Variants in LATS2 observed in about 807,000 individuals in gnomAD.
LATS2 encodes serine/threonine-protein kinase LATS2.
A neutral mutation model predicts 76.0 loss-of-function variants in LATS2; 24 were observed. The ratio of observed to expected loss-of-function variants is 0.32; its 90% CI spans 0.23 to 0.44. LATS2 has a LOEUF of 0.44. Among genes scored for constraint, LATS2 ranks in the 20% least tolerant of loss-of-function variants. The pLI is 1.00. For synonymous variants in LATS2, 692 were observed against 635.4 expected (o/e 1.09, Z -1.34); for missense variants, 1,286 against 1,481.2 (o/e 0.87, Z 2.16).
intron 1 of LATS2, among the ~76,000 whole-genome samples, chr13:21,057,535 G>A (rs1235437686): frequency 3.3e-5 from 5 of 152,196 alleles, no homozygotes; most frequent in Non-Finnish European, 7.3e-5. Flanking sequence ...TCACGTAACA[G>A]GCCGGGCGCG....
chr13:21,042,987 AAAAAAACC>A (rs1316735937), intron 2 of LATS2, among the ~76,000 whole-genome samples: 183 of 122,984 alleles, frequency 1.5e-3, no homozygotes, highest in Middle Eastern at 4.2e-3. Context: ...CCGTCTCAAA[AAAAAAACC>A]AAAAAACAAA....
chr13:21,003,302 G>A (rs748060450), intron 2 of LATS2, among the ~76,000 whole-genome samples: 2 of 152,012 alleles, frequency 1.3e-5, no homozygotes, highest in Non-Finnish European at 2.9e-5. Context: ...AGTTCGGGCT[G>A]GAGTGCAGTG....
At chr13:21,012,959 G>A (rs1245323811) in intron 2 of LATS2, among the ~76,000 whole-genome samples, 2 of 152,184 alleles carry the variant, frequency 1.3e-5, no homozygotes, top group African/African-American at 2.4e-5. Flanking sequence ...CTATTGCAAA[G>A]CAATTAGTTA....
intron 3 of LATS2, among the ~76,000 whole-genome samples, chr13:20,990,460 G>GTTTTTTTT (rs1595218277): frequency 2.7e-5 from 2 of 74,546 alleles, no homozygotes; most frequent in Non-Finnish European, 5.7e-5. Flanking sequence ...TAATTACTAG[G>GTTTTTTTT]ATTTTTTTTT....
chr13:21,004,105 C>A (rs551015635), intron 2 of LATS2, among the ~76,000 whole-genome samples: 1 of 152,236 alleles, frequency 6.6e-6, no homozygotes, highest in South Asian at 2.1e-4. Context: ...ATATAACATA[C>A]AAAAGAATAT....
chr13:20,983,812 T>C lies in LATS2; in HGVS notation c.1900-6A>G, dbSNP rs183625707. On this transcript the variant is annotated splice_polypyrimidine_tract_variant and splice_region_variant and intron_variant, in intron 4 of 7. Coordinates refer to ENST00000382592, the MANE Select transcript of LATS2 (RefSeq NM_014572.3). ...TCAGCTTCACAGAGTCCAGCCTGTGTAGAAGGAAAAGGAAGGAGGAAGAAT... is the reference window on the plus strand; with the variant it reads ...TCAGCTTCACAGAGTCCAGCCTGTGCAGAAGGAAAAGGAAGGAGGAAGAAT... 10 of 1,600,624 alleles carry C rather than the reference T, an allele frequency of 6.2e-6. No individual in the cohort carries two copies. The highest frequency in any genetic ancestry group is 8.5e-7 in the Non-Finnish European group (1 of 1,173,488).
At chr13:20,998,756 C>CGGGGCCGAGGCGGGGA (rs1186757140) in intron 2 of LATS2, among the ~76,000 whole-genome samples, 1 of 152,184 alleles carries the variant, frequency 6.6e-6, no homozygotes, top group East Asian at 1.9e-4. Flanking sequence ...CGAGGCGGGG[C>CGGGGCCGAGGCGGGGA]GGGGCCCGAC....
At chr13:21,020,727 C>T (rs1872022499) in intron 2 of LATS2, among the ~76,000 whole-genome samples, 1 of 152,124 alleles carries the variant, frequency 6.6e-6, no homozygotes, top group South Asian at 2.1e-4. Flanking sequence ...GGCTTTTTTC[C>T]ACTAGGAAGG....
chr13:21,033,119 A>G (rs1872587227), intron 2 of LATS2, among the ~76,000 whole-genome samples: 1 of 151,880 alleles, frequency 6.6e-6, no homozygotes, highest in South Asian at 2.1e-4. Flanking sequence ...AAGACACTTA[A>G]GAGAAAAAAA....
Position 21,056,549 on chromosome 13 carries a change from T to C in LATS2, c.-205+4797A>G, listed in dbSNP as rs182861547. ...TATTAGTTCTTTGCAGCTTTCCTAA[T>C]AGCAAGCGACCCAACAGGATGGGCC... On this transcript the variant is annotated intron_variant, in intron 1 of 7. Coordinates refer to ENST00000382592, the MANE Select transcript of LATS2 (RefSeq NM_014572.3). Among the ~76,000 whole-genome samples the C allele has an allele frequency of 6.9e-3, 1,053 of 152,280 alleles. 8 individuals are homozygous for C. Among genetic ancestry groups the C allele is most frequent in the Non-Finnish European group, 0.011 (719 of 68,026 alleles).
chr13:21,032,433 A>G (rs1490987932), intron 2 of LATS2, among the ~76,000 whole-genome samples: 2 of 151,928 alleles, frequency 1.3e-5, no homozygotes, highest in African/African-American at 4.8e-5. Context: ...CGTCTGGCTA[A>G]TTTTTGTATT....
chr13:21,007,766 T>A (rs1161377312), intron 2 of LATS2, among the ~76,000 whole-genome samples: 2 of 54,500 alleles, frequency 3.7e-5, no homozygotes, highest in African/African-American at 1.4e-4. Context: ...ATATATTTTT[T>A]TTTTTTTTTT....
chr13:21,050,899 C>T (rs980744756), intron 1 of LATS2, among the ~76,000 whole-genome samples: 11 of 152,240 alleles, frequency 7.2e-5, no homozygotes, highest in Non-Finnish European at 1.5e-5. Flanking sequence ...GGGCAAGAGG[C>T]CCTGGCCCAC....
intron 2 of LATS2, among the ~76,000 whole-genome samples, chr13:21,036,758 G>A (rs530541435): frequency 6.7e-6 from 1 of 149,312 alleles, no homozygotes; most frequent in South Asian, 2.2e-4. Flanking sequence ...GGGCGACAGA[G>A]CAAAACTCCG....
At position 21,061,357 on chromosome 13, in the gene LATS2, C is replaced by CG. The variant is rs1171770378; in HGVS notation, c.-217dup. On this transcript the variant is annotated 5_prime_UTR_variant, in exon 1 of 8. Coordinates refer to ENST00000382592, the MANE Select transcript of LATS2 (RefSeq NM_014572.3). ...CCCAGCCCCCTCACCTCCAGGGGCGCGGTCTACACCCTCGGGGGCGTCCTG... is the reference window on the plus strand; with the variant it reads ...CCCAGCCCCCTCACCTCCAGGGGCGCGGGTCTACACCCTCGGGGGCGTCCTG... 1.3e-5 allele frequency: 2 copies of CG among 152,170 alleles called. No homozygotes were observed. Among genetic ancestry groups the CG allele is most frequent in the African/African-American group, 4.8e-5 (2 of 41,436 alleles). 9.4% of individuals were successfully genotyped at this position (152,170 alleles called of 1,614,324 possible). A position where few individuals can be genotyped will look rare whatever the true frequency, so the allele number is the denominator to read the frequency against.
In LATS2 at chr13:20,973,785, G is replaced by C. The variant is rs1441764222; in HGVS notation, c.*1085C>G. 1 of 229,824 alleles carries C rather than the reference G, an allele frequency of 4.4e-6. No homozygotes were observed. Among genetic ancestry groups the C allele is most frequent in the Non-Finnish European group, 8.6e-6 (1 of 115,906 alleles). 14.2% of individuals were successfully genotyped at this position (229,824 alleles called of 1,614,324 possible). A position where few individuals can be genotyped will look rare whatever the true frequency, so the allele number is the denominator to read the frequency against. On this transcript the variant is annotated 3_prime_UTR_variant, in exon 8 of 8. Transcript: ENST00000382592. ...AACATTCACTGAAGCTTTCAGTGTG[G>C]GCAGTCTGTCAGTAAAAAGGTAAGT...
At chr13:20,994,912 T>C (rs1870682715) in intron 2 of LATS2, among the ~76,000 whole-genome samples, 1 of 152,058 alleles carries the variant, frequency 6.6e-6, no homozygotes, top group Non-Finnish European at 1.5e-5. Context: ...AAGATCATCA[T>C]TTAAGGGTCC....
chr13:21,022,707 C>T (rs2138364155), intron 2 of LATS2, among the ~76,000 whole-genome samples: 1 of 152,192 alleles, frequency 6.6e-6, no homozygotes, highest in Admixed American at 6.5e-5. Context: ...GAGATGAGGA[C>T]TATGAAGCAA....
intron 2 of LATS2, among the ~76,000 whole-genome samples, chr13:21,013,475 G>A (rs1389751728): frequency 2.0e-5 from 3 of 152,170 alleles, no homozygotes; most frequent in African/African-American, 7.2e-5. Context: ...AGATCCAAAC[G>A]GCCAGGAAAG....
Sources: gnomAD v4.1 joint callset for allele counts (sites outside exome capture counted in the v4.1 genomes callset) on GRCh38, gnomAD v4.1.1 for gene constraint, MANE v1.5 for transcripts, NCBI Gene and HGNC (gene_info 2026-07-23, HGNC 2026-07-21) for gene names.